SEMA5B: variants seen among roughly 807,000 people sequenced by gnomAD.
SEMA5B encodes semaphorin 5B.
Under a neutral mutation model 135.0 loss-of-function variants are expected in SEMA5B, and 66 were observed. The observed-to-expected ratio is 0.49, with a 90% CI of 0.40 to 0.60. The LOEUF (loss-of-function observed/expected upper bound fraction) is 0.60. Among genes scored for constraint, SEMA5B ranks in the 20% least tolerant of loss-of-function variants. The pLI is 0.00. For synonymous variants in SEMA5B, 690 were observed against 639.5 expected (o/e 1.08, Z -1.19); for missense variants, 1,501 against 1,566.3 (o/e 0.96, Z 0.70).
intron 2 of SEMA5B, among the ~76,000 whole-genome samples, chr3:122,950,585 TAAC>T (rs1018638289): frequency 2.0e-4 from 30 of 152,258 alleles, no homozygotes; most frequent in African/African-American, 7.2e-4. Flanking sequence ...TTGAATCTAA[TAAC>T]AAAATATTCA....
chr3:123,017,681 G>T (rs1315894397), intron 1 of SEMA5B, among the ~76,000 whole-genome samples: 2 of 152,302 alleles, frequency 1.3e-5, no homozygotes, highest in East Asian at 1.9e-4. Context: ...GACGAGGCAG[G>T]TGTTTCACTT....
At chr3:122,975,906 C>A in intron 1 of SEMA5B, 1 of 1,478,186 alleles carries the variant, frequency 6.8e-7, no homozygotes, top group Admixed American at 2.0e-5. Context: ...GCCTCAGACT[C>A]CCTCTCCTGC....
At chr3:122,915,349 A>T in intron 14 of SEMA5B, 91 bp downstream of exon 14, 1 of 1,279,850 alleles carries the variant, frequency 7.8e-7, no homozygotes, top group Non-Finnish European at 1.1e-6. Flanking sequence ...TCTGTCCCTT[A>T]GTGCAAACAC....
At position 122,912,005 on chromosome 3, in the gene SEMA5B, C is replaced by A; in HGVS notation, c.2961G>T (p.Arg987=). The A allele has an allele frequency of 6.2e-7, 1 of 1,613,662 alleles. No individual in the cohort carries two copies. The highest frequency in any genetic ancestry group is 8.5e-7 in the Non-Finnish European group (1 of 1,179,780). ...ACCCTGGGAGGAGCTCCTCACAGTG[C>A]CGGCTTCGGCTCTGGGCTCCGTCGT... The part of the protein sequence containing the change: ...CTDDGAQSRS[R]HCEELLPGSS... Residue 987 remains arginine, a synonymous_variant, in exon 20 of 23, where the codon CGG becomes CGT. Coordinates refer to ENST00000357599, the MANE Select transcript of SEMA5B (RefSeq NM_001031702.4).
Position 122,921,973 on chromosome 3 carries a change from G to A in SEMA5B, c.1630C>T (p.Leu544=). 6.5e-7 allele frequency: 1 copy of A among 1,535,750 alleles called. No homozygotes were observed. Among genetic ancestry groups the A allele is most frequent in the Non-Finnish European group, 8.7e-7 (1 of 1,145,134 alleles). Residue 544 remains leucine, a synonymous_variant, in exon 12 of 23, where the codon CTG becomes TTG. Coordinates refer to ENST00000357599, the MANE Select transcript of SEMA5B (RefSeq NM_001031702.4). The stretch of plus-strand genomic sequence containing the variant: ...GGGACCCGCAGGACGCCGTCTCTCA[G>A]CCCCACGAAGAGCGCGCGGGCGCTG... ...LHSARALFVG[L]RDGVLRVPLE... is the part of the protein sequence containing the mutation.
At chr3:122,958,674 G>T (rs1940442953) in intron 2 of SEMA5B, among the ~76,000 whole-genome samples, 3 of 152,192 alleles carry the variant, frequency 2.0e-5, no homozygotes, top group Admixed American at 6.5e-5. Flanking sequence ...CCATCTGGGG[G>T]ACTGGGGCCC....
Position 122,928,515 on chromosome 3 carries a change from A to T in SEMA5B, c.636+2T>A, listed in dbSNP as rs1425003477. 6.4e-7 allele frequency: 1 copy of T among 1,554,568 alleles called. No homozygotes were observed. The highest frequency in any genetic ancestry group is 8.7e-7 in the Non-Finnish European group (1 of 1,148,784). On this transcript the variant is annotated splice_donor_variant, in intron 7 of 22. Transcript: ENST00000357599. LOFTEE classifies it high-confidence loss of function. The stretch of plus-strand genomic sequence containing the variant: ...CAGTCTCCTCCACCCTGAGGTGCCC[A>T]CCTGTCTGCTGGTGCACATGGGGGA...
Position 122,948,723 on chromosome 3 carries a change from A to C in SEMA5B, c.125-14T>G, listed in dbSNP as rs1290678593. 6.4e-7 allele frequency: 1 copy of C among 1,570,380 alleles called. No individual in the cohort carries two copies. On this transcript the variant is annotated splice_polypyrimidine_tract_variant and intron_variant, in intron 2 of 22. Coordinates refer to ENST00000357599, the MANE Select transcript of SEMA5B (RefSeq NM_001031702.4). ...AGGGGAGAAGACCTGCAACGTAAAC[A>C]CTCAGTCTCACCAAGCGCTCCCTCC...
At chr3:123,018,697 G>A (rs762871712) in intron 1 of SEMA5B, among the ~76,000 whole-genome samples, 4 of 152,136 alleles carry the variant, frequency 2.6e-5, no homozygotes, top group African/African-American at 4.8e-5. Flanking sequence ...ACCAAATCAG[G>A]TCTGTCCCCA....
chr3:122,969,236 T>C (rs1576376771), intron 1 of SEMA5B, among the ~76,000 whole-genome samples: 1 of 152,342 alleles, frequency 6.6e-6, no homozygotes, highest in East Asian at 1.9e-4. Flanking sequence ...GAGCCGGATC[T>C]GCTCTCAGAT....
At chr3:122,938,338 G>T (rs1324150697) in intron 5 of SEMA5B, among the ~76,000 whole-genome samples, 1 of 152,186 alleles carries the variant, frequency 6.6e-6, no homozygotes, top group South Asian at 2.1e-4. Context: ...ACAAATGGAT[G>T]AATGGCATTT....
intron 1 of SEMA5B, among the ~76,000 whole-genome samples, chr3:123,014,563 G>T (rs113865388): frequency 6.6e-6 from 1 of 152,202 alleles, no homozygotes; most frequent in Non-Finnish European, 1.5e-5. Flanking sequence ...GATCCTGGCC[G>T]CCTGCAGGGA....
At chr3:122,999,385 C>A (rs1232388873) in intron 1 of SEMA5B, among the ~76,000 whole-genome samples, 2 of 152,122 alleles carry the variant, frequency 1.3e-5, no homozygotes, top group African/African-American at 4.8e-5. Context: ...TGTGACCATG[C>A]CCGGCTGATT....
At position 122,961,163 on chromosome 3, in the gene SEMA5B, C is replaced by G. The variant is rs1313890809; in HGVS notation, c.101G>C (p.Gly34Ala). Residue 34 changes from glycine (G) to alanine (A), a missense_variant, in exon 2 of 23, where the codon GGC becomes GCC. Transcript: ENST00000357599. ...QQLRCGWTVG[G>A]WLLSLVRGLL... ...ACCCCTGACCAGTGAGAGAAGCCAG[C>G]CCCCTACTGTCCATCCACACCTTAG... 1.2e-6 allele frequency: 2 copies of G among 1,612,932 alleles called. No individual in the cohort carries two copies. Among genetic ancestry groups the G allele is most frequent in the Non-Finnish European group, 1.7e-6 (2 of 1,179,332 alleles).
intron 1 of SEMA5B, among the ~76,000 whole-genome samples, chr3:123,024,462 A>G (rs1405190468): frequency 6.6e-6 from 1 of 152,176 alleles, no homozygotes; most frequent in Non-Finnish European, 1.5e-5. Context: ...TCTTTTTTGT[A>G]AAAAATAAAA....
intron 5 of SEMA5B, among the ~76,000 whole-genome samples, 191 bp from the exon 6 acceptor site, chr3:122,929,249 G>A (rs1014574444): frequency 2.0e-5 from 3 of 152,196 alleles, no homozygotes; most frequent in African/African-American, 7.2e-5. Context: ...CTTACCCAGA[G>A]GTCTTTCACA....
Position 122,913,602 on chromosome 3 carries a change from A to G in SEMA5B, c.2212T>C (p.Cys738Arg). ...CGCCGCGACTGCATGCCCCCTCCAC[A>G]GTTGCTGCTGCACTTGCTCCAGGAG... is the stretch of plus-strand genomic sequence containing the variant. ...WGSWSKCSSNCGGGMQSRRRA... is the reference protein window; with the variant it reads ...WGSWSKCSSNRGGGMQSRRRA... The change falls in exon 16 of 23, where the codon TGT (cysteine) becomes CGT (arginine). Residue 738 changes from cysteine to arginine, a missense_variant. Around this residue, in one of 2 missense-constraint regions of SEMA5B, gnomAD observed 927 missense variants for 881.6 expected, o/e 1.05. Transcript: ENST00000357599. 1 of 1,613,354 alleles carries G rather than the reference A, an allele frequency of 6.2e-7. No individual in the cohort carries two copies. The highest frequency in any genetic ancestry group is 1.1e-5 in the South Asian group (1 of 91,014).
intron 1 of SEMA5B, among the ~76,000 whole-genome samples, chr3:122,974,376 A>C (rs1317744596): frequency 6.6e-6 from 1 of 152,242 alleles, no homozygotes; most frequent in Non-Finnish European, 1.5e-5. Flanking sequence ...AGACATAGGA[A>C]TGTGTACGTG....
intron 1 of SEMA5B, among the ~76,000 whole-genome samples, chr3:123,022,811 A>G (rs918934196): frequency 1.3e-5 from 2 of 152,222 alleles, no homozygotes; most frequent in African/African-American, 4.8e-5. Context: ...GAAGGGAAGT[A>G]TCATGGCAGA....
Sources: allele counts gnomAD v4.1 joint callset (sites outside exome capture counted in the v4.1 genomes callset), GRCh38; gene constraint gnomAD v4.1.1; regional missense constraint gnomAD v4.1.1; transcripts MANE v1.5; gene names NCBI Gene and HGNC (gene_info 2026-07-23, HGNC 2026-07-21).